MSN: variants seen among roughly 807,000 people sequenced by gnomAD.
MSN encodes the protein epididymis luminal protein 70.
Under a neutral mutation model 48.0 loss-of-function variants are expected in MSN, and 2 were observed. The ratio of observed to expected loss-of-function variants is 0.04; its 90% CI spans 0.02 to 0.13. The LOEUF (loss-of-function observed/expected upper bound fraction) is 0.13. Ranked by LOEUF, MSN falls within the 10% of genes least tolerant of loss-of-function variation. The pLI is 1.00. For missense variants in MSN, 267 were observed against 470.1 expected (o/e 0.57, Z 3.99); for synonymous variants, 146 against 166.9 (o/e 0.87, Z 0.97).
chrX:65,648,591 G>A (rs1344291610), intron 1 of MSN, among the ~76,000 whole-genome samples: 5 of 106,869 alleles, frequency 4.7e-5, no homozygotes, highest in African/African-American at 1.7e-4. Flanking sequence ...TAAAAGAGAG[G>A]ACTGGACGTG....
chrX:65,648,115 G>A (rs2070708449), intron 1 of MSN, among the ~76,000 whole-genome samples: 1 of 104,043 alleles, frequency 9.6e-6, no homozygotes, highest in Admixed American at 1.1e-4. Context: ...TTAGCAGTGG[G>A]TTGAAATGGC....
chrX:65,588,676 C>A (rs1183022041), intron 1 of MSN: 1 of 773,678 alleles, frequency 1.3e-6, no homozygotes, highest in Non-Finnish European at 1.5e-6. Flanking sequence ...CCAGCCTGTG[C>A]CCTCTTTTTT....
chrX:65,712,222 T>TA (rs2147495621), intron 1 of MSN, among the ~76,000 whole-genome samples: 1 of 111,819 alleles, frequency 8.9e-6, no homozygotes, highest in African/African-American at 3.2e-5. Flanking sequence ...GTACTTGCCT[T>TA]ACTTGTTCCT....
At chrX:65,647,916 C>T (rs772880088) in intron 1 of MSN, among the ~76,000 whole-genome samples, 1 of 111,682 alleles carries the variant, frequency 9.0e-6, no homozygotes, top group Non-Finnish European at 1.9e-5. Context: ...CATGATTTTG[C>T]ATATTGAAAA....
intron 1 of MSN, among the ~76,000 whole-genome samples, chrX:65,608,011 T>C (rs1308049615): frequency 8.9e-6 from 1 of 112,015 alleles, no homozygotes; most frequent in African/African-American, 3.2e-5. Flanking sequence ...GGAGGCAGGG[T>C]GCAAGGGCAG....
At chrX:65,709,205 G>A (rs1602834776) in intron 1 of MSN, among the ~76,000 whole-genome samples, 1 of 111,266 alleles carries the variant, frequency 9.0e-6, no homozygotes, top group African/African-American at 3.3e-5. Flanking sequence ...TCATATGGTA[G>A]TCCTATTTTT....
intron 1 of MSN, among the ~76,000 whole-genome samples, chrX:65,660,147 AT>A (rs2070811134): frequency 8.9e-6 from 1 of 112,120 alleles, no homozygotes; most frequent in African/African-American, 3.2e-5. Flanking sequence ...AAAGGGTTTC[AT>A]GTCTAGCCCC....
chrX:65,657,638 G>A (rs1209717469), intron 1 of MSN, among the ~76,000 whole-genome samples: 1 of 112,057 alleles, frequency 8.9e-6, no homozygotes, highest in Non-Finnish European at 1.9e-5. Flanking sequence ...CCATTAGTGT[G>A]ATTAATAATA....
At chrX:65,651,561 T>TTTTTTA (rs1234656209) in intron 1 of MSN, among the ~76,000 whole-genome samples, 63 of 94,503 alleles carry the variant, frequency 6.7e-4, no homozygotes, top group African/African-American at 2.4e-3. Context: ...AGAAGTAATA[T>TTTTTTA]TTATTATTAT....
intron 1 of MSN, among the ~76,000 whole-genome samples, chrX:65,687,813 G>A (rs1038676950): frequency 3.6e-5 from 4 of 111,642 alleles, no homozygotes; most frequent in Admixed American, 2.9e-4. Flanking sequence ...GGAGAGTCGA[G>A]TAGTTCTCCC....
chrX:65,718,481 G>C (rs775953104), intron 2 of MSN, among the ~76,000 whole-genome samples: 70 of 111,922 alleles, frequency 6.3e-4, no homozygotes, highest in African/African-American at 2.0e-3. Flanking sequence ...TGGTAGAGAA[G>C]TAATAAATGA....
chrX:65,701,938 G>A (rs1355711607), intron 1 of MSN, among the ~76,000 whole-genome samples: 1 of 110,536 alleles, frequency 9.0e-6, no homozygotes, highest in East Asian at 2.9e-4. Context: ...AGGGATTTGA[G>A]GGCAGTAGCA....
chrX:65,722,104 A>C (rs1478760672), intron 2 of MSN, among the ~76,000 whole-genome samples: 2 of 111,559 alleles, frequency 1.8e-5, no homozygotes, highest in African/African-American at 6.5e-5. Flanking sequence ...AAAAACGATA[A>C]AAGAAAGAAA....
intron 1 of MSN, among the ~76,000 whole-genome samples, chrX:65,680,672 A>G (rs2071045611): frequency 9.0e-6 from 1 of 111,424 alleles, no homozygotes; most frequent in Admixed American, 9.5e-5. Context: ...TGTGGGCCCA[A>G]GGTTTCCCAA....
At chrX:65,669,487 T>G (rs2070909283) in intron 1 of MSN, among the ~76,000 whole-genome samples, 1 of 111,878 alleles carries the variant, frequency 8.9e-6, no homozygotes, top group Non-Finnish European at 1.9e-5. Context: ...CAAACTTGCA[T>G]TAACCGTCTC....
chrX:65,727,440 T>A (rs2071578411), intron 2 of MSN, among the ~76,000 whole-genome samples: 1 of 112,246 alleles, frequency 8.9e-6, no homozygotes, highest in Non-Finnish European at 1.9e-5. Flanking sequence ...ACCCTAATTC[T>A]GTCACTCACA....
In MSN at chrX:65,736,873, G is replaced by C. The variant is rs1177444733; in HGVS notation, c.1038G>C (p.Glu346Asp). Residue 346 changes from glutamate to aspartate, a missense_variant, in exon 9 of 13, where the codon GAG becomes GAC. Glu to Asp is a conservative substitution (Grantham distance 45, BLOSUM62 2). Transcript: ENST00000360270. ...AGAAGATTGAACGGGAGAAGGAGGAGCTGATGGAGAGGCTGAAGCAGATCG... is the reference window on the plus strand; with the variant it reads ...AGAAGATTGAACGGGAGAAGGAGGACCTGATGGAGAGGCTGAAGCAGATCG... ...EKEKIEREKE[E>D]LMERLKQIEE... The C allele has an allele frequency of 5.9e-6, 7 of 1,190,599 alleles. No individual in the cohort carries two copies. The highest frequency in any genetic ancestry group is 5.3e-5 in the African/African-American group (3 of 56,830).
chrX:65,705,899 TG>T lies in MSN; in HGVS notation c.13-10916del, dbSNP rs1225089201. 3.6e-5 allele frequency among the ~76,000 whole-genome samples: 4 copies of T among 111,690 alleles called. No homozygotes were observed. The Admixed American group carries it at 3.8e-4, about 11-fold the overall frequency. On this transcript the variant is annotated intron_variant, in intron 1 of 12. Transcript: ENST00000360270. ...TAACCCATTAAGGTGTGAGTGAGGT[TG>T]GGTGTTGTTCTCCTTTCTAGAAGCT... is the stretch of plus-strand genomic sequence containing the variant.
Position 65,643,456 on chromosome X carries a change from G to T in MSN, c.-22+54844G>T, listed in dbSNP as rs2070672983. 3.6e-5 allele frequency among the ~76,000 whole-genome samples: 4 copies of T among 110,729 alleles called. No homozygotes were observed. In the South Asian group the frequency reaches 1.6e-3, roughly 43 times the overall value. On this transcript the variant is annotated intron_variant, in intron 1 of 3. Transcript: ENST00000609672. ...TATTCAAGGGCCCAAGTACTCTGTG[G>T]TTAAATCTTAGAACCAGCTAGGCTC...
Sources: allele counts gnomAD v4.1 joint callset (sites outside exome capture counted in the v4.1 genomes callset), GRCh38; gene constraint gnomAD v4.1.1; transcripts MANE v1.5; gene names NCBI Gene and HGNC (gene_info 2026-07-23, HGNC 2026-07-21).